ASCC1: variants seen among roughly 807,000 people sequenced by gnomAD.
ASCC1 encodes the protein activating signal cointegrator 1 complex subunit 1, also known as ASC-1 complex subunit P50.
Under a neutral mutation model 46.6 loss-of-function variants are expected in ASCC1, and 35 were observed. That is an observed-to-expected ratio of 0.75 (90% CI 0.57 to 0.99). The LOEUF is 0.99. ASCC1 is among the 50% of genes least tolerant of loss of function. The pLI is 0.00. For missense variants in ASCC1, 376 were observed against 428.7 expected (o/e 0.88, Z 1.09); for synonymous variants, 143 against 146.6 (o/e 0.98, Z 0.18).
chr10:72,213,358 T>C (rs760706969), intron 1 of ASCC1, 27 bp from the exon 2 acceptor site: 1 of 1,271,038 alleles, frequency 7.9e-7, no homozygotes, highest in South Asian at 1.2e-5. Context: ...CCATCTTACC[T>C]TTCTTAGTGA....
At position 72,097,403 on chromosome 10, in the gene ASCC1, G is replaced by A. The variant is rs1657066451; in HGVS notation, c.1005C>T (p.His335=). The A allele has an allele frequency of 6.2e-7, 1 of 1,613,984 alleles. No individual in the cohort carries two copies. The highest frequency in any genetic ancestry group is 8.5e-7 in the Non-Finnish European group (1 of 1,179,840). The change falls in exon 10 of 10, where the codon CAC becomes CAT. Residue 335 remains histidine, a synonymous_variant. Transcript: ENST00000672957. ...YFGSLKLNSI[H]ISQRFTVDSF... Reference sequence around the variant, plus strand: ...TGTCTACGGTGAACCTCTGAGAGATGTGAATTGAATTCAGCTTTAGGGAGC... The same window carrying A: ...TGTCTACGGTGAACCTCTGAGAGATATGAATTGAATTCAGCTTTAGGGAGC...
chr10:72,209,182 G>T (rs1056829544), intron 3 of ASCC1, among the ~76,000 whole-genome samples: 1 of 150,996 alleles, frequency 6.6e-6, no homozygotes, highest in Non-Finnish European at 1.5e-5. Context: ...AAAAAAAAGA[G>T]ATATTTAAAA....
At chr10:72,180,894 T>G in intron 5 of ASCC1, 1 of 192,570 alleles carries the variant, frequency 5.2e-6, no homozygotes, top group South Asian at 1.1e-4. Flanking sequence ...GCAGCTTCCC[T>G]GTTCTGTTAA....
In ASCC1 at chr10:72,115,571, G is replaced by A. The variant is rs189618766; in HGVS notation, c.957+12511C>T. ...GTCAGGAAGAAAACCAGGAGAGCCA[G>A]CTGCCACTGAAGCCAAGAGAAGAAA... On this transcript the variant is annotated intron_variant, in intron 9 of 9. Coordinates refer to ENST00000672957, the MANE Select transcript of ASCC1 (RefSeq NM_001198800.3). 9.2e-3 allele frequency among the ~76,000 whole-genome samples: 1,404 copies of A among 152,312 alleles called. 14 individuals carry two copies. Among genetic ancestry groups the A allele is most frequent in the African/African-American group, 0.032 (1,337 of 41,558 alleles).
chr10:72,162,894 G>C (rs1046972326), intron 5 of ASCC1, among the ~76,000 whole-genome samples: 1 of 149,642 alleles, frequency 6.7e-6, no homozygotes, highest in Non-Finnish European at 1.5e-5. Flanking sequence ...AGTGAGCCAA[G>C]ATCACGCCAT....
chr10:72,151,891 G>A lies in ASCC1; in HGVS notation c.746+978C>T, dbSNP rs186346090. On this transcript the variant is annotated intron_variant, in intron 7 of 9. Coordinates refer to ENST00000672957, the MANE Select transcript of ASCC1 (RefSeq NM_001198800.3). ...TTTTTAGTAGAGATGGGGTTTCACC[G>A]TGTTAGCCAGGGTGGATTCGATCTC... Among the ~76,000 whole-genome samples, 146 of 151,698 alleles carry A rather than the reference G, an allele frequency of 9.6e-4. 2 individuals are homozygous for A. The highest frequency in any genetic ancestry group is 3.3e-3 in the African/African-American group (137 of 41,402).
chr10:72,136,858 A>G (rs1252817232), intron 7 of ASCC1, among the ~76,000 whole-genome samples: 1 of 151,560 alleles, frequency 6.6e-6, no homozygotes, highest in Non-Finnish European at 1.5e-5. Context: ...CTCACTGCAA[A>G]GGTCTGCAGC....
chr10:72,127,003 A>G (rs1336896083), intron 9 of ASCC1, among the ~76,000 whole-genome samples: 1 of 152,252 alleles, frequency 6.6e-6, no homozygotes, highest in Non-Finnish European at 1.5e-5. Context: ...CAGCTGCTGA[A>G]GAGTGATGTC....
chr10:72,125,247 A>T (rs1230610876), intron 9 of ASCC1, among the ~76,000 whole-genome samples: 1 of 150,396 alleles, frequency 6.6e-6, no homozygotes, highest in Non-Finnish European at 1.5e-5. Flanking sequence ...GATGAAGTTG[A>T]TTTTTTTTTT....
At chr10:72,112,403 G>A (rs1393161293) in intron 9 of ASCC1, among the ~76,000 whole-genome samples, 1 of 151,898 alleles carries the variant, frequency 6.6e-6, no homozygotes, top group African/African-American at 2.4e-5. Flanking sequence ...TGGAGTGGTG[G>A]TTACCAAGGA....
In ASCC1 at chr10:72,154,815, C is replaced by A. The variant is rs372652316; in HGVS notation, c.627-1827G>T. Reference sequence around the variant, plus strand: ...CCTATGCATAGGGTTTTAAATGAGGCATAAAGTTTTGTTTTGAGTACCAAA... The same window carrying A: ...CCTATGCATAGGGTTTTAAATGAGGAATAAAGTTTTGTTTTGAGTACCAAA... On this transcript the variant is annotated intron_variant, in intron 6 of 9. Transcript: ENST00000672957. Among the ~76,000 whole-genome samples, 9 of 152,142 alleles carry A rather than the reference C, an allele frequency of 5.9e-5. No homozygotes were observed. In the South Asian group the frequency reaches 1.9e-3, roughly 32 times the overall value.
At chr10:72,188,062 G>C (rs1421171734) in intron 5 of ASCC1, among the ~76,000 whole-genome samples, 1 of 144,018 alleles carries the variant, frequency 6.9e-6, no homozygotes, top group Non-Finnish European at 1.5e-5. Flanking sequence ...TCATAAATAA[G>C]CAATTTTACT....
intron 9 of ASCC1, among the ~76,000 whole-genome samples, chr10:72,100,792 T>A (rs1054871487): frequency 6.6e-6 from 1 of 152,184 alleles, no homozygotes; most frequent in African/African-American, 2.4e-5. Context: ...CCTACTGTAC[T>A]GTAACATTAT....
intron 9 of ASCC1, among the ~76,000 whole-genome samples, chr10:72,127,156 C>T (rs1240029235): frequency 6.6e-6 from 1 of 152,172 alleles, no homozygotes; most frequent in Non-Finnish European, 1.5e-5. Context: ...TCATATACTC[C>T]CTCCTCCACC....
chr10:72,109,905 G>A (rs17726002), intron 9 of ASCC1, among the ~76,000 whole-genome samples: 10,782 of 152,276 alleles, frequency 0.071, 442 homozygotes, highest in Non-Finnish European at 0.091. Flanking sequence ...CACTCCGCCC[G>A]TTTCCACATT....
intron 7 of ASCC1, among the ~76,000 whole-genome samples, chr10:72,142,234 G>C (rs1340391206): frequency 1.3e-5 from 2 of 152,064 alleles, no homozygotes; most frequent in Non-Finnish European, 2.9e-5. Flanking sequence ...CATTTAGTAG[G>C]ATATTATTAG....
rs765167866 is a variant in ASCC1 at position 72,152,920 on chromosome 10, C to A, written c.695G>T (p.Gly232Val). Residue 232 changes from glycine to valine, a missense_variant, in exon 7 of 10, where the codon GGC becomes GTC. Gly to Val is a moderately radical substitution (Grantham distance 109). Coordinates refer to ENST00000672957, the MANE Select transcript of ASCC1 (RefSeq NM_001198800.3). ...AGIEYMNDDP[G>V]MVDVLYAKVH... ...TTTGGCGTAAAGAACATCCACCATG[C>A]CAGGATCATCATTCATGTATTCTAT... 12 of 1,614,120 alleles carry A rather than the reference C, an allele frequency of 7.4e-6. No individual in the cohort carries two copies. In the Admixed American group the frequency reaches 1.2e-4, roughly 16 times the overall value.
chr10:72,119,000 G>A (rs1843849302), intron 9 of ASCC1, among the ~76,000 whole-genome samples: 1 of 152,136 alleles, frequency 6.6e-6, no homozygotes, highest in Non-Finnish European at 1.5e-5. Flanking sequence ...ACTGAGGTCG[G>A]GGACAAATTG....
intron 3 of ASCC1, among the ~76,000 whole-genome samples, chr10:72,209,178 A>G (rs12244630): frequency 0.077 from 11,666 of 151,848 alleles, 1,438 homozygotes; most frequent in African/African-American, 0.26. Flanking sequence ...AAAAAAAAAA[A>G]AGAGATATTT....
Sources: allele counts gnomAD v4.1 joint callset (sites outside exome capture counted in the v4.1 genomes callset), GRCh38; gene constraint gnomAD v4.1.1; transcripts MANE v1.5; gene names NCBI Gene and HGNC (gene_info 2026-07-23, HGNC 2026-07-21).